Variants in POLN observed in about 807,000 individuals in gnomAD.
POLN encodes the protein DNA polymerase N.
Under a neutral mutation model 113.5 loss-of-function variants are expected in POLN, and 108 were observed. The observed-to-expected ratio is 0.95, with a 90% CI of 0.81 to 1.12. POLN has a LOEUF of 1.12. Ranked by LOEUF, POLN falls within the 50% of genes most tolerant of loss-of-function variation. The pLI, the probability that POLN is intolerant of heterozygous loss-of-function variation, is 0.00. For synonymous variants in POLN, 386 were observed against 391.5 expected (o/e 0.99, Z 0.17); for missense variants, 1,097 against 1,077.1 (o/e 1.02, Z -0.26).
intron 15 of POLN, among the ~76,000 whole-genome samples, chr4:2,157,296 A>G (rs1281345447): frequency 6.6e-6 from 1 of 152,224 alleles, no homozygotes; most frequent in Non-Finnish European, 1.5e-5. Context: ...TGAGTCCAGA[A>G]CAGAGATGCA....
At chr4:2,181,944 G>A (rs1356905701) in intron 7 of POLN, among the ~76,000 whole-genome samples, 1 of 151,018 alleles carries the variant, frequency 6.6e-6, no homozygotes, top group Non-Finnish European at 1.5e-5. Context: ...AGCTTTCAGT[G>A]AGCTGAGATC....
rs1205255329 is a variant in POLN at position 2,208,426 on chromosome 4, AAGGACTG to A, written c.268_274del (p.Gln90SerfsTer21). The A allele has an allele frequency of 6.2e-7, 1 of 1,602,954 alleles. No homozygotes were observed. Among genetic ancestry groups the A allele is most frequent in the African/African-American group, 1.3e-5 (1 of 74,398 alleles). The stretch of plus-strand genomic sequence containing the variant: ...CAGCTGATCTGTGAGCCTGACACTG[AAGGACTG>A]AGGAGACAGCTTGGCAGAACCTCTT... On this transcript the variant is annotated frameshift_variant, in exon 5 of 26. Transcript: ENST00000511885. LOFTEE classifies it high-confidence loss of function.
intron 7 of POLN, among the ~76,000 whole-genome samples, chr4:2,192,132 A>T (rs1733466132): frequency 6.6e-6 from 1 of 151,842 alleles, no homozygotes; most frequent in Admixed American, 6.6e-5. Context: ...AAAAAAAAAA[A>T]AAATTGGCTG....
At chr4:2,142,748 C>T (rs544858195) in intron 16 of POLN, among the ~76,000 whole-genome samples, 5 of 152,188 alleles carry the variant, frequency 3.3e-5, no homozygotes, top group African/African-American at 7.2e-5. Flanking sequence ...GACAGCCTAG[C>T]GAGAAAGAAA....
At chr4:2,144,387 C>T (rs1440282827) in intron 16 of POLN, among the ~76,000 whole-genome samples, 3 of 152,028 alleles carry the variant, frequency 2.0e-5, no homozygotes, top group Admixed American at 6.6e-5. Context: ...TTGTGATCTG[C>T]CTGCCTCAGC....
chr4:2,080,964 G>A lies in POLN; in HGVS notation c.2381C>T (p.Thr794Met), dbSNP rs755475210. 25 of 1,613,732 alleles carry A rather than the reference G, an allele frequency of 1.5e-5. No individual in the cohort carries two copies. The highest frequency in any genetic ancestry group is 5.5e-5 in the South Asian group (5 of 91,088). Residue 794 changes from threonine to methionine, a missense_variant, in exon 23 of 26, where the codon ACG becomes ATG. Transcript: ENST00000511885. Reference protein sequence around the residue: ...FTAVAASHTLTARLVAQIHDE... With the variant: ...FTAVAASHTLMARLVAQIHDE... ...GAGACCACCACCCACTGACCTGGCC[G>A]TCAAGGTGTGGGAAGCAGCCACTGC... is the stretch of plus-strand genomic sequence containing the variant.
At chr4:2,080,846 C>T (rs560251384) in intron 23 of POLN, 112 bp downstream of exon 23, 85 of 1,582,506 alleles carry the variant, frequency 5.4e-5, no homozygotes, top group South Asian at 2.3e-4. Flanking sequence ...CAGGAGGGGA[C>T]GGGGGCCCGA....
chr4:2,147,089 T>C (rs909324688), intron 16 of POLN, among the ~76,000 whole-genome samples: 2 of 152,218 alleles, frequency 1.3e-5, no homozygotes, highest in Non-Finnish European at 2.9e-5. Context: ...AATTAAATAC[T>C]ACGCTGCAAG....
At chr4:2,129,082 T>C in intron 18 of POLN, 97 bp downstream of exon 18, 1 of 842,902 alleles carries the variant, frequency 1.2e-6, no homozygotes, top group Non-Finnish European at 1.8e-6. Context: ...AAAAAGAATT[T>C]ATTTGAAAGA....
chr4:2,160,443 G>A (rs1037590657), intron 13 of POLN, among the ~76,000 whole-genome samples: 1 of 151,456 alleles, frequency 6.6e-6, no homozygotes, highest in African/African-American at 2.4e-5. Flanking sequence ...GTCTTGCTCT[G>A]TTCCCCGGGC....
chr4:2,153,541 T>C (rs1732343329), intron 16 of POLN, among the ~76,000 whole-genome samples: 1 of 152,152 alleles, frequency 6.6e-6, no homozygotes, highest in Non-Finnish European at 1.5e-5. Flanking sequence ...TTACTTACAT[T>C]TTTATCTATT....
At chr4:2,119,795 C>T (rs1731400369) in intron 19 of POLN, among the ~76,000 whole-genome samples, 2 of 152,052 alleles carry the variant, frequency 1.3e-5, no homozygotes, top group South Asian at 4.1e-4. Context: ...ATTATTTCCA[C>T]AGCAACTAAT....
intron 16 of POLN, among the ~76,000 whole-genome samples, chr4:2,141,443 G>A (rs1731999082): frequency 6.6e-6 from 1 of 152,170 alleles, no homozygotes; most frequent in Non-Finnish European, 1.5e-5. Flanking sequence ...GGCACCTGAA[G>A]AGAGGGTCCT....
chr4:2,160,369 T>C (rs1732549931), intron 13 of POLN, among the ~76,000 whole-genome samples: 2 of 152,300 alleles, frequency 1.3e-5, no homozygotes, highest in South Asian at 2.1e-4. Context: ...GTTATATTTA[T>C]TGGAAATATC....
chr4:2,090,279 T>C, intron 20 of POLN: 1 of 800,850 alleles, frequency 1.2e-6, no homozygotes, highest in East Asian at 2.4e-5. Flanking sequence ...CAAAGGCTTC[T>C]GCACATCAAA....
At position 2,126,996 on chromosome 4, in the gene POLN, C is replaced by A. The variant is rs527577125; in HGVS notation, c.1982+1117G>T. Among the ~76,000 whole-genome samples, 2 of 152,138 alleles carry A rather than the reference C, an allele frequency of 1.3e-5. No individual in the cohort carries two copies. The highest frequency in any genetic ancestry group is 3.9e-4 in the East Asian group (2 of 5,160). Reference sequence around the variant, plus strand: ...GGCTGAAGGACAGACCCCTCACCCGCTTAGGACTCTGCTCCTCTGACTTCT... The same window carrying A: ...GGCTGAAGGACAGACCCCTCACCCGATTAGGACTCTGCTCCTCTGACTTCT... On this transcript the variant is annotated intron_variant, in intron 19 of 25. Coordinates refer to ENST00000511885, the MANE Select transcript of POLN (RefSeq NM_181808.4). This position sits in a 1 kb window ranked among gnomAD's most constrained non-coding sequence, Gnocchi z 4.6.
intron 16 of POLN, among the ~76,000 whole-genome samples, chr4:2,141,685 C>G (rs1732004885): frequency 6.6e-6 from 1 of 152,228 alleles, no homozygotes; most frequent in Non-Finnish European, 1.5e-5. Flanking sequence ...TTTTGGCTGT[C>G]CATCTCACAG....
At chr4:2,159,728 A>G (rs556125752) in intron 13 of POLN, among the ~76,000 whole-genome samples, 1 of 152,342 alleles carries the variant, frequency 6.6e-6, no homozygotes, top group Admixed American at 6.5e-5. Flanking sequence ...CTCCTTCCCC[A>G]GAGCTAACCA....
chr4:2,213,223 T>G (rs1577777063), intron 3 of POLN, 97 bp from the exon 4 acceptor site: 2 of 646,676 alleles, frequency 3.1e-6, no homozygotes, highest in Non-Finnish European at 5.1e-6. Context: ...TCTATAATCA[T>G]GCTTATTTAT....
Sources: allele counts gnomAD v4.1 joint callset (sites outside exome capture counted in the v4.1 genomes callset), GRCh38; gene constraint gnomAD v4.1.1; non-coding constraint Gnocchi (gnomAD v3.1); transcripts MANE v1.5; gene names NCBI Gene and HGNC (gene_info 2026-07-23, HGNC 2026-07-21).